NOS1AP: variants seen among roughly 807,000 people sequenced by gnomAD.
NOS1AP encodes nitric oxide synthase 1 adaptor protein, also known as carboxyl-terminal PDZ ligand of neuronal nitric oxide synthase protein.
Under a neutral mutation model 56.2 loss-of-function variants are expected in NOS1AP, and 21 were observed. The observed-to-expected ratio is 0.37, with a 90% CI of 0.26 to 0.54. NOS1AP has a LOEUF of 0.54. Among genes scored for constraint, NOS1AP ranks in the 20% least tolerant of loss-of-function variants. NOS1AP has a pLI of 0.84. For synonymous variants in NOS1AP, 270 were observed against 274.6 expected, an observed-to-expected ratio of 0.98 and a Z score of 0.17; for missense variants, 522 against 657.8, an observed-to-expected ratio of 0.79 and a Z score of 2.26.
At chr1:162,118,221 C>T (rs1481940086) in intron 1 of NOS1AP, among the ~76,000 whole-genome samples, 1 of 152,166 alleles carries the variant, frequency 6.6e-6, no homozygotes, top group Non-Finnish European at 1.5e-5. Flanking sequence ...ACACAGTACC[C>T]AACAGATGGT....
chr1:162,288,765 G>A (rs1476551868), intron 3 of NOS1AP, among the ~76,000 whole-genome samples: 1 of 152,016 alleles, frequency 6.6e-6, no homozygotes, highest in East Asian at 1.9e-4. Flanking sequence ...AAGATATACT[G>A]TTTATAAAGA....
At position 162,133,581 on chromosome 1, in the gene NOS1AP, T is replaced by A. The variant is rs577854699; in HGVS notation, c.106-20824T>A. Among the ~76,000 whole-genome samples the A allele has an allele frequency of 2.6e-5, 4 of 152,360 alleles. No homozygotes were observed. In the South Asian group the frequency reaches 8.3e-4, roughly 32 times the overall value. ...TTGTTGATGTTTATTCTTCTATCCC[T>A]TTTACATGATAGATGAATCTGTTCA... On this transcript the variant is annotated intron_variant, in intron 1 of 9. Coordinates refer to ENST00000361897, the MANE Select transcript of NOS1AP (RefSeq NM_014697.3).
chr1:162,126,239 T>A (rs1571037315), intron 1 of NOS1AP, among the ~76,000 whole-genome samples: 1 of 152,188 alleles, frequency 6.6e-6, no homozygotes, highest in East Asian at 1.9e-4. Context: ...GTAGTTTAAC[T>A]TCTTCTTTTC....
At chr1:162,194,464 G>A (rs1337549697) in intron 2 of NOS1AP, among the ~76,000 whole-genome samples, 1 of 152,120 alleles carries the variant, frequency 6.6e-6, no homozygotes, top group Non-Finnish European at 1.5e-5. Context: ...CCTTTTTTGT[G>A]TTGAGACGTT....
intron 2 of NOS1AP, among the ~76,000 whole-genome samples, chr1:162,264,982 T>G (rs1241446995): frequency 6.6e-6 from 1 of 152,008 alleles, no homozygotes; most frequent in Non-Finnish European, 1.5e-5. Context: ...GCCTGGCTAC[T>G]TTTTGTATTT....
chr1:162,267,859 G>C (rs1438549486), intron 2 of NOS1AP, among the ~76,000 whole-genome samples: 1 of 152,196 alleles, frequency 6.6e-6, no homozygotes, highest in Non-Finnish European at 1.5e-5. Flanking sequence ...TCTGCAGAAG[G>C]GGCTATTGAT....
At chr1:162,297,147 C>A (rs1490716947) in intron 3 of NOS1AP, among the ~76,000 whole-genome samples, 3 of 152,158 alleles carry the variant, frequency 2.0e-5, no homozygotes, top group Non-Finnish European at 1.5e-5. Flanking sequence ...TCGTTCAGAC[C>A]CTCTTTGGGG....
chr1:162,272,134 G>GT, intron 2 of NOS1AP, among the ~76,000 whole-genome samples: 1 of 152,212 alleles, frequency 6.6e-6, no homozygotes, highest in Non-Finnish European at 1.5e-5. Flanking sequence ...TTACAGGCAT[G>GT]AGCCACCACT....
At chr1:162,152,974 A>G (rs139259508) in intron 1 of NOS1AP, among the ~76,000 whole-genome samples, 1 of 152,254 alleles carries the variant, frequency 6.6e-6, no homozygotes, top group Admixed American at 6.5e-5. Flanking sequence ...TAATTTATGT[A>G]TAATAAGGAA....
chr1:162,105,235 T>C (rs1046681525), intron 1 of NOS1AP, among the ~76,000 whole-genome samples: 2 of 152,206 alleles, frequency 1.3e-5, no homozygotes, highest in African/African-American at 4.8e-5. Context: ...GTATCACCAG[T>C]GAAGGCTGTG....
intron 2 of NOS1AP, among the ~76,000 whole-genome samples, chr1:162,177,877 G>A (rs1651118422): frequency 6.6e-6 from 1 of 152,072 alleles, no homozygotes; most frequent in African/African-American, 2.4e-5. Flanking sequence ...ATTGACATGA[G>A]GGTTCATTCT....
At chr1:162,104,590 G>A (rs370543254) in intron 1 of NOS1AP, among the ~76,000 whole-genome samples, 90 of 151,858 alleles carry the variant, frequency 5.9e-4, no homozygotes, top group African/African-American at 2.1e-3. Context: ...TATATTTCTC[G>A]GAGGTTTTGT....
chr1:162,136,940 A>G (rs1649028153), intron 1 of NOS1AP, among the ~76,000 whole-genome samples: 1 of 152,186 alleles, frequency 6.6e-6, no homozygotes, highest in Non-Finnish European at 1.5e-5. Context: ...AGCAGCTCTG[A>G]GTCTGTTGCT....
chr1:162,244,954 A>G (rs2101685223), intron 2 of NOS1AP, among the ~76,000 whole-genome samples: 1 of 152,322 alleles, frequency 6.6e-6, no homozygotes, highest in Non-Finnish European at 1.5e-5. Flanking sequence ...CTACTTCCTA[A>G]CTATGGCTAT....
chr1:162,109,671 A>G (rs575264936), intron 1 of NOS1AP, among the ~76,000 whole-genome samples: 1 of 152,186 alleles, frequency 6.6e-6, no homozygotes, highest in Admixed American at 6.5e-5. Flanking sequence ...AGAAGAAGGG[A>G]ATTTCTGAAA....
At position 162,369,470 on chromosome 1, in the gene NOS1AP, T is replaced by TG. The variant is rs11383407; in HGVS notation, c.*2004dup. 0.78 allele frequency: 106,661 copies of TG among 136,388 alleles called. 38,617 individuals carry two copies. Among genetic ancestry groups the TG allele is most frequent in the African/African-American group, 0.9 (36,887 of 41,092 alleles). The allele number at this position is 136,388 out of a possible 1,614,324, so 8.4% of individuals were successfully genotyped here. A position where few individuals can be genotyped will look rare whatever the true frequency, so the allele number is the denominator to read the frequency against. On this transcript the variant is annotated 3_prime_UTR_variant, in exon 10 of 10. Transcript: ENST00000361897. ...CCAGAGGAGTGAAAAGTCTGTTTTC[T>TG]GACGTAAGCCGGAGCTGAGGATAAA... is the stretch of plus-strand genomic sequence containing the variant.
chr1:162,226,773 A>C lies in NOS1AP; in HGVS notation c.178-60571A>C, dbSNP rs200389896. ...AAGCTCTGCTGCTAGTTAGAGAACA[A>C]GTGGTAAATATCCCCATTAGCACTT... is the stretch of plus-strand genomic sequence containing the variant. On this transcript the variant is annotated intron_variant, in intron 2 of 9. Transcript: ENST00000361897. Among the ~76,000 whole-genome samples, 5 of 152,332 alleles carry C rather than the reference A, an allele frequency of 3.3e-5. No homozygotes were observed. In the East Asian group the frequency reaches 9.6e-4, roughly 29 times the overall value.
intron 2 of NOS1AP, among the ~76,000 whole-genome samples, chr1:162,186,189 G>A (rs1003434331): frequency 1.3e-5 from 2 of 152,092 alleles, no homozygotes; most frequent in African/African-American, 2.4e-5. Flanking sequence ...ATTCTGGTTG[G>A]CACCACGTTA....
chr1:162,235,040 T>C (rs1653242537), intron 2 of NOS1AP, among the ~76,000 whole-genome samples: 1 of 152,224 alleles, frequency 6.6e-6, no homozygotes, highest in Admixed American at 6.5e-5. Context: ...TACCTCCTTT[T>C]ATTGTTTTAA....
Sources: allele counts gnomAD v4.1 joint callset (sites outside exome capture counted in the v4.1 genomes callset), GRCh38; gene constraint gnomAD v4.1.1; transcripts MANE v1.5; gene names NCBI Gene and HGNC (gene_info 2026-07-23, HGNC 2026-07-21).